FAT3: variants seen among roughly 807,000 people sequenced by gnomAD.
The protein encoded by FAT3 is protocadherin Fat 3.
In FAT3, 95 loss-of-function variants were observed where a neutral mutation model predicts 310.2. That is an observed-to-expected ratio of 0.31 (90% confidence interval 0.26 to 0.36). FAT3 has a LOEUF of 0.36. Ranked by LOEUF, FAT3 falls within the 10% of genes least tolerant of loss-of-function variation. The pLI is 1.00. For missense variants in FAT3, 5,408 were observed against 5,715.6 expected (o/e 0.95, Z 1.74); for synonymous variants, 2,314 against 2,192.9 (o/e 1.06, Z -1.54).
intron 2 of FAT3, among the ~76,000 whole-genome samples, chr11:92,439,202 C>A (rs1951014679): frequency 6.6e-6 from 1 of 152,024 alleles, no homozygotes; most frequent in South Asian, 2.1e-4. Flanking sequence ...CAGAAGGCCA[C>A]AAAGTAATAT....
At chr11:92,383,301 A>ATG (rs1491161254) in intron 2 of FAT3, among the ~76,000 whole-genome samples, 4 of 152,030 alleles carry the variant, frequency 2.6e-5, no homozygotes, top group African/African-American at 9.7e-5. Flanking sequence ...ATGAACATAC[A>ATG]TGTGTGTGTA....
intron 4 of FAT3, among the ~76,000 whole-genome samples, chr11:92,735,135 A>G (rs1945303864): frequency 1.0e-5 from 1 of 98,318 alleles, no homozygotes; most frequent in Non-Finnish European, 2.0e-5. Context: ...GGGCATGCAT[A>G]TCTGAAACCA....
At chr11:92,619,707 G>A (rs375274910) in intron 3 of FAT3, among the ~76,000 whole-genome samples, 55 of 150,986 alleles carry the variant, frequency 3.6e-4, no homozygotes, top group Non-Finnish European at 6.2e-4. Flanking sequence ...GTTAATAGTC[G>A]TTTCTCATTT....
chr11:92,815,303 G>A (rs772303932), intron 13 of FAT3, among the ~76,000 whole-genome samples: 21 of 151,880 alleles, frequency 1.4e-4, no homozygotes, highest in Non-Finnish European at 2.4e-4. Context: ...GGCTGGGCAC[G>A]GTGGCTCACA....
At chr11:92,809,239 C>G (rs1272831314) in intron 12 of FAT3, among the ~76,000 whole-genome samples, 1 of 152,164 alleles carries the variant, frequency 6.6e-6, no homozygotes, top group Non-Finnish European at 1.5e-5. Flanking sequence ...GACTTGACTC[C>G]TCCCCAAGCA....
chr11:92,563,675 T>A (rs1293366867), intron 3 of FAT3, among the ~76,000 whole-genome samples: 1 of 152,058 alleles, frequency 6.6e-6, no homozygotes, highest in East Asian at 1.9e-4. Flanking sequence ...CCCATCAGAC[T>A]AACAGCAGAT....
At chr11:92,667,293 G>A (rs1279035684) in intron 3 of FAT3, among the ~76,000 whole-genome samples, 1 of 152,132 alleles carries the variant, frequency 6.6e-6, no homozygotes, top group Non-Finnish European at 1.5e-5. Flanking sequence ...AAGATGTGTC[G>A]TGTGGAGTTC....
intron 1 of FAT3, among the ~76,000 whole-genome samples, chr11:92,256,206 G>T (rs1181100364): frequency 6.6e-6 from 1 of 151,758 alleles, no homozygotes; most frequent in Non-Finnish European, 1.5e-5. Context: ...ACAGTAAATA[G>T]GTCCTTTATG....
chr11:92,859,920 G>C (rs192354073), intron 21 of FAT3, among the ~76,000 whole-genome samples: 1 of 152,138 alleles, frequency 6.6e-6, no homozygotes, highest in African/African-American at 2.4e-5. Context: ...ATGGTAATGG[G>C]CCAGGTGTGG....
intron 2 of FAT3, among the ~76,000 whole-genome samples, chr11:92,442,081 T>TTATATATATATATATA (rs869247397): frequency 7.1e-5 from 5 of 69,988 alleles, no homozygotes; most frequent in African/African-American, 4.1e-4. Flanking sequence ...AATATATATT[T>TTATATATATATATATA]TATATATATA....
At chr11:92,227,024 A>T (rs568909092) in intron 1 of FAT3, among the ~76,000 whole-genome samples, 2 of 152,116 alleles carry the variant, frequency 1.3e-5, no homozygotes, top group South Asian at 4.1e-4. Flanking sequence ...CCCCAGCCAG[A>T]CTAGGGAGGG....
At chr11:92,852,489 C>T (rs886162054) in intron 19 of FAT3, among the ~76,000 whole-genome samples, 1 of 152,036 alleles carries the variant, frequency 6.6e-6, no homozygotes, top group African/African-American at 2.4e-5. Context: ...CTGAGCATTT[C>T]CAGGCTGGAA....
chr11:92,474,595 C>A (rs1358471068), intron 2 of FAT3, among the ~76,000 whole-genome samples: 3 of 152,046 alleles, frequency 2.0e-5, no homozygotes, highest in Non-Finnish European at 4.4e-5. Flanking sequence ...CAAGGGACCA[C>A]AGGGAGATGA....
chr11:92,332,106 C>G (rs2134541457), intron 1 of FAT3, among the ~76,000 whole-genome samples: 1 of 152,302 alleles, frequency 6.6e-6, no homozygotes, highest in Non-Finnish European at 1.5e-5. Flanking sequence ...CTGAAGTGCC[C>G]AAGTTTAAAG....
chr11:92,306,772 T>TTA (rs1231820671), intron 1 of FAT3, among the ~76,000 whole-genome samples: 24 of 130,178 alleles, frequency 1.8e-4, no homozygotes, highest in African/African-American at 5.1e-4. Flanking sequence ...TATAAATAAA[T>TTA]TATATATATA....
chr11:92,519,736 T>C (rs1953619556), intron 2 of FAT3, among the ~76,000 whole-genome samples: 1 of 152,094 alleles, frequency 6.6e-6, no homozygotes, highest in Non-Finnish European at 1.5e-5. Flanking sequence ...CTTCTTTATC[T>C]TAGAGAAGAT....
chr11:92,647,048 T>C (rs1280802870), intron 3 of FAT3, among the ~76,000 whole-genome samples: 2 of 152,190 alleles, frequency 1.3e-5, no homozygotes, highest in Non-Finnish European at 1.5e-5. Flanking sequence ...TTTTACCCAT[T>C]GGCTTTTAGG....
intron 1 of FAT3, among the ~76,000 whole-genome samples, chr11:92,311,140 AACTAG>A (rs1947294650): frequency 6.6e-6 from 1 of 152,106 alleles, no homozygotes; most frequent in African/African-American, 2.4e-5. Flanking sequence ...AAGTAATTAA[AACTAG>A]ACTATCAGTT....
At chr11:92,669,003 A>G (rs1412625978) in intron 3 of FAT3, among the ~76,000 whole-genome samples, 3 of 152,256 alleles carry the variant, frequency 2.0e-5, no homozygotes, top group Non-Finnish European at 4.4e-5. Flanking sequence ...ACCTGTGGGT[A>G]GACATAGCTG....
Sources: gnomAD v4.1 joint callset for allele counts (sites outside exome capture counted in the v4.1 genomes callset) on GRCh38, gnomAD v4.1.1 for gene constraint, MANE v1.5 for transcripts, NCBI Gene and HGNC (gene_info 2026-07-23, HGNC 2026-07-21) for gene names.